OPCML: variants seen among roughly 807,000 people sequenced by gnomAD.
OPCML encodes the protein opioid-binding protein/cell adhesion molecule.
A neutral mutation model predicts 37.8 loss-of-function variants in OPCML; 13 were observed. The observed-to-expected ratio is 0.34, with a 90% CI of 0.22 to 0.55. OPCML has a LOEUF of 0.55. Among genes scored for constraint, OPCML ranks in the 20% least tolerant of loss-of-function variants. The probability of loss-of-function intolerance (pLI) is 0.91; values close to 1 mark genes in which losing one functional copy is unlikely to be tolerated. For missense variants in OPCML, 341 were observed against 435.6 expected (o/e 0.78, Z 1.93); for synonymous variants, 176 against 168.8 (o/e 1.04, Z -0.33).
chr11:132,501,053 C>A (rs2096244430), intron 4 of OPCML, among the ~76,000 whole-genome samples: 1 of 151,878 alleles, frequency 6.6e-6, no homozygotes, highest in Non-Finnish European at 1.5e-5. Context: ...GATTTATAAT[C>A]CTTTGGGTAT....
At chr11:132,962,894 A>C (rs1946123648) in intron 1 of OPCML, among the ~76,000 whole-genome samples, 1 of 152,216 alleles carries the variant, frequency 6.6e-6, no homozygotes, top group East Asian at 1.9e-4. Context: ...GAAGCACTTC[A>C]TCCCCACCAG....
At position 133,248,881 on chromosome 11, in the gene OPCML, C is replaced by T. The variant is rs144041431; in HGVS notation, c.61+283383G>A. Among the ~76,000 whole-genome samples the T allele has an allele frequency of 2.8e-4, 42 of 152,114 alleles. No homozygotes were observed. The East Asian group carries it at 7.4e-3, about 27-fold the overall frequency. The stretch of plus-strand genomic sequence containing the variant: ...TGATCAAGAGAGTGGACTACTGAGG[C>T]GAAGTGAAGGTGAATGTCTTTGGAA... On this transcript the variant is annotated intron_variant, in intron 1 of 7. Coordinates refer to ENST00000524381, the MANE Select transcript of OPCML (RefSeq NM_001012393.5).
chr11:132,746,058 T>C (rs1945623871), intron 2 of OPCML, among the ~76,000 whole-genome samples: 1 of 151,076 alleles, frequency 6.6e-6, no homozygotes, highest in Non-Finnish European at 1.5e-5. Context: ...GCCCAGCACC[T>C]CCAGTTTTGC....
intron 3 of OPCML, among the ~76,000 whole-genome samples, chr11:132,624,568 G>A (rs1939626427): frequency 6.6e-6 from 1 of 151,888 alleles, no homozygotes; most frequent in South Asian, 2.1e-4. Flanking sequence ...TTACATCACA[G>A]CCCTTCTCTG....
At chr11:133,502,370 C>T (rs912195515) in intron 1 of OPCML, among the ~76,000 whole-genome samples, 145 of 152,290 alleles carry the variant, frequency 9.5e-4, no homozygotes, top group African/African-American at 3.4e-3. Context: ...GGCAGGGTGA[C>T]GCAGTCCATG....
chr11:132,853,184 T>G (rs1236638196), intron 2 of OPCML, among the ~76,000 whole-genome samples: 1 of 152,192 alleles, frequency 6.6e-6, no homozygotes, highest in Non-Finnish European at 1.5e-5. Context: ...TTATTGCCAG[T>G]TATAAAATTT....
At chr11:132,706,663 G>A (rs1226709047) in intron 2 of OPCML, among the ~76,000 whole-genome samples, 3 of 151,912 alleles carry the variant, frequency 2.0e-5, no homozygotes, top group Non-Finnish European at 4.4e-5. Flanking sequence ...ACTACACCAC[G>A]CCCCTAAGAG....
intron 3 of OPCML, among the ~76,000 whole-genome samples, chr11:132,645,572 G>A (rs1330277117): frequency 6.6e-6 from 1 of 152,072 alleles, no homozygotes; most frequent in Non-Finnish European, 1.5e-5. Flanking sequence ...TGTCTTCAAG[G>A]AAATTACAGT....
chr11:133,221,138 T>A (rs1939802158), intron 1 of OPCML, among the ~76,000 whole-genome samples: 1 of 152,198 alleles, frequency 6.6e-6, no homozygotes, highest in African/African-American at 2.4e-5. Context: ...TTAGCACTTT[T>A]GAGTCTTTGG....
At chr11:133,335,474 A>G (rs1943724632) in intron 1 of OPCML, among the ~76,000 whole-genome samples, 1 of 152,128 alleles carries the variant, frequency 6.6e-6, no homozygotes, top group African/African-American at 2.4e-5. Flanking sequence ...CCATGAAGTC[A>G]GCGCCTCTCC....
At chr11:132,511,649 A>G (rs2096269070) in intron 4 of OPCML, among the ~76,000 whole-genome samples, 1 of 144,106 alleles carries the variant, frequency 6.9e-6, no homozygotes, top group Admixed American at 7.0e-5. Flanking sequence ...ATTCATTAGA[A>G]AAAGGATTAT....
intron 1 of OPCML, among the ~76,000 whole-genome samples, chr11:133,415,274 G>T (rs960219068): frequency 2.6e-5 from 4 of 151,718 alleles, no homozygotes; most frequent in Admixed American, 2.6e-4. Context: ...GCCCGGCGTG[G>T]TGGCGGGCGC....
chr11:132,572,243 A>T (rs772705153), intron 3 of OPCML, among the ~76,000 whole-genome samples: 4 of 151,660 alleles, frequency 2.6e-5, no homozygotes, highest in Non-Finnish European at 4.4e-5. Context: ...TGATTGATAG[A>T]TTCCTTTGCT....
At chr11:132,538,347 A>G (rs1422156303) in intron 3 of OPCML, among the ~76,000 whole-genome samples, 3 of 152,240 alleles carry the variant, frequency 2.0e-5, no homozygotes, top group Admixed American at 1.3e-4. Context: ...TAGGATATCC[A>G]GAATAGTAAA....
chr11:132,877,978 C>T (rs1025351105), intron 2 of OPCML, among the ~76,000 whole-genome samples: 19 of 152,134 alleles, frequency 1.2e-4, no homozygotes, highest in African/African-American at 4.6e-4. Flanking sequence ...GTCAGGAGAG[C>T]AAGACCATCC....
intron 3 of OPCML, among the ~76,000 whole-genome samples, chr11:132,555,564 C>T (rs1317191030): frequency 6.6e-6 from 1 of 152,048 alleles, no homozygotes; most frequent in Non-Finnish European, 1.5e-5. Context: ...ATAGCCAAAC[C>T]ATATCAAAGG....
chr11:133,434,796 A>ATG (rs1194310261), intron 1 of OPCML, among the ~76,000 whole-genome samples: 39 of 119,112 alleles, frequency 3.3e-4, no homozygotes, highest in Non-Finnish European at 4.9e-4. Context: ...AATTATATAT[A>ATG]TGTATATATA....
intron 1 of OPCML, among the ~76,000 whole-genome samples, chr11:133,031,274 G>T (rs1236610859): frequency 6.6e-6 from 1 of 151,756 alleles, no homozygotes; most frequent in Admixed American, 6.6e-5. Flanking sequence ...TTAAATAAGT[G>T]GATGAATGTG....
intron 2 of OPCML, among the ~76,000 whole-genome samples, chr11:132,681,218 C>A (rs1380919244): frequency 6.6e-6 from 1 of 152,336 alleles, no homozygotes; most frequent in East Asian, 1.9e-4. Context: ...GCCCCACCCT[C>A]AAGCCTGGAA....
Sources: allele counts gnomAD v4.1 joint callset (sites outside exome capture counted in the v4.1 genomes callset), GRCh38; gene constraint gnomAD v4.1.1; transcripts MANE v1.5; gene names NCBI Gene and HGNC (gene_info 2026-07-23, HGNC 2026-07-21).